The following CELF2 variants were observed in gnomAD, a reference collection of about 807,000 sequenced individuals.
The protein encoded by CELF2 is CUGBP Elav-like family member 2.
CELF2 carries 8 observed loss-of-function variants against 62.6 expected under a neutral mutation model. That is an observed-to-expected ratio of 0.13 (90% CI 0.07 to 0.23). The LOEUF (loss-of-function observed/expected upper bound fraction) is 0.23, where lower values mean the gene tolerates loss of function less well. Among genes scored for constraint, CELF2 ranks in the 10% least tolerant of loss-of-function variants. The pLI is 1.00. For synonymous variants in CELF2, 258 were observed against 250.0 expected, an observed-to-expected ratio of 1.03 and a Z score of -0.30; for missense variants, 333 against 671.0, an observed-to-expected ratio of 0.50 and a Z score of 5.56.
At chr10:10,713,979 G>A in the CELF2 span, among the ~76,000 whole-genome samples, 1 of 152,152 alleles carries the variant, frequency 6.6e-6, no homozygotes, top group African/African-American at 2.4e-5. Flanking sequence ...AGATTCCAGT[G>A]AGTGGAGATT....
upstream of CELF2, among the ~76,000 whole-genome samples, chr10:11,013,603 C>T (rs1016073574): frequency 7.9e-5 from 12 of 152,080 alleles, no homozygotes; most frequent in African/African-American, 2.9e-4. The surrounding 1 kb of genome is among the most constrained non-coding windows in gnomAD (Gnocchi z 4.1). Flanking sequence ...AAATAGAAAC[C>T]AGTGGAAGCT....
At chr10:11,069,995 A>G (rs1418760720) in intron 1 of CELF2, among the ~76,000 whole-genome samples, 2 of 152,250 alleles carry the variant, frequency 1.3e-5, no homozygotes, top group Non-Finnish European at 2.9e-5. Flanking sequence ...TGTTTTGAGT[A>G]TCTGAAGCTT....
intron 2 of CELF2, among the ~76,000 whole-genome samples, chr10:10,939,277 G>GTGGTGTTGTTGTTGT (rs138349252): frequency 2.8e-5 from 4 of 144,220 alleles, no homozygotes; most frequent in African/African-American, 1.1e-4. Context: ...TTGTTTTGTG[G>GTGGTGTTGTTGTTGT]TGTTGTTGTT....
At chr10:10,803,005 C>A (rs1424803112) in intron 1 of CELF2, among the ~76,000 whole-genome samples, 1 of 152,246 alleles carries the variant, frequency 6.6e-6, no homozygotes, top group East Asian at 1.9e-4. Context: ...GGCAGTCTCC[C>A]TAATCCCCCA....
intron 2 of CELF2, among the ~76,000 whole-genome samples, chr10:10,973,218 T>C (rs1360646421): frequency 6.6e-6 from 1 of 151,142 alleles, no homozygotes; most frequent in Non-Finnish European, 1.5e-5. Flanking sequence ...GAGGCAGAGG[T>C]TGCAGTGAGC....
intron 1 of CELF2, among the ~76,000 whole-genome samples, chr10:10,824,321 C>T (rs567118672): frequency 2.0e-5 from 3 of 152,192 alleles, no homozygotes; most frequent in East Asian, 3.9e-4. Context: ...ATTTATTTGG[C>T]CAACAAAAAC....
At chr10:11,187,554 C>G (rs1228259423) in intron 2 of CELF2, among the ~76,000 whole-genome samples, 4 of 138,286 alleles carry the variant, frequency 2.9e-5, no homozygotes, top group Admixed American at 2.3e-4. Context: ...TGGTTTAGGT[C>G]TCTAATCTCA....
rs1284026480 is a variant in CELF2, at chr10:11,156,479, C to T, written c.75-9007C>T. On this transcript the variant is annotated intron_variant, in intron 1 of 12. Transcript: ENST00000633077. This position sits in a 1 kb window ranked among gnomAD's most constrained non-coding sequence, Gnocchi z 4.3. ...ATTTAATACCCTGCAACGCCCTCCC[C>T]TGCATGCTTTATTTGTCTCTGTCAA... Among the ~76,000 whole-genome samples, 1 of 152,178 alleles carries T rather than the reference C, an allele frequency of 6.6e-6. No individual in the cohort carries two copies. Among genetic ancestry groups the T allele is most frequent in the African/African-American group, 2.4e-5 (1 of 41,446 alleles).
the CELF2 span, among the ~76,000 whole-genome samples, chr10:10,519,220 G>T: frequency 6.6e-6 from 1 of 152,160 alleles, no homozygotes; most frequent in Non-Finnish European, 1.5e-5. Context: ...ATGAAGCAGA[G>T]TCGAGGCTGA....
chr10:11,144,717 A>AC (rs1253405233), intron 1 of CELF2, among the ~76,000 whole-genome samples: 1 of 151,606 alleles, frequency 6.6e-6, no homozygotes, highest in Non-Finnish European at 1.5e-5. Context: ...ACATGAGGAG[A>AC]CCCCATCTGT....
the CELF2 span, among the ~76,000 whole-genome samples, chr10:10,613,285 C>T: frequency 1.3e-5 from 2 of 152,002 alleles, no homozygotes; most frequent in Non-Finnish European, 2.9e-5. Flanking sequence ...CAACATTATG[C>T]CCAGAAAATA....
chr10:10,707,117 A>G, the CELF2 span, among the ~76,000 whole-genome samples: 2 of 152,184 alleles, frequency 1.3e-5, no homozygotes, highest in Non-Finnish European at 2.9e-5. Flanking sequence ...CCTTCAATGT[A>G]TCAATCTGGC....
the CELF2 span, among the ~76,000 whole-genome samples, chr10:10,715,536 A>G: frequency 6.6e-6 from 1 of 152,196 alleles, no homozygotes; most frequent in Non-Finnish European, 1.5e-5. Context: ...TTAAATTATG[A>G]TTCCTTTTAT....
the CELF2 span, among the ~76,000 whole-genome samples, chr10:10,691,671 G>T: frequency 4.6e-4 from 69 of 148,856 alleles, no homozygotes; most frequent in Non-Finnish European, 9.4e-4. Flanking sequence ...AGCACCTGTT[G>T]TTTCCTGACT....
chr10:10,814,951 G>A (rs2056309215), intron 1 of CELF2, among the ~76,000 whole-genome samples: 1 of 152,130 alleles, frequency 6.6e-6, no homozygotes, highest in Non-Finnish European at 1.5e-5. Flanking sequence ...GGTTAGGATA[G>A]CTCTCTCCCC....
At position 10,858,786 on chromosome 10, in the gene CELF2, C is replaced by A. The variant is rs564286973; in HGVS notation, c.53+59969C>A. 7.9e-4 allele frequency among the ~76,000 whole-genome samples: 119 copies of A among 151,564 alleles called. 5 individuals are homozygous for A. The East Asian group carries it at 0.021, about 26-fold the overall frequency. ...AAAAAAAAAATCTAGGGAAAATGAA[C>A]ATTTTCAATAAAACATTTAAATAAC... On this transcript the variant is annotated intron_variant, in intron 1 of 13. Transcript: ENST00000636488.
the CELF2 span, among the ~76,000 whole-genome samples, chr10:10,560,885 A>T: frequency 6.6e-6 from 1 of 152,212 alleles, no homozygotes; most frequent in Non-Finnish European, 1.5e-5. Flanking sequence ...ATGAGATTGG[A>T]TACTATTATT....
rs2096053810 is a variant in CELF2 at position 11,332,794 on chromosome 10, C to T, written c.*3741C>T. The T allele has an allele frequency of 1.3e-5, 2 of 152,694 alleles. No homozygotes were observed. Among genetic ancestry groups the T allele is most frequent in the African/African-American group, 2.4e-5 (1 of 41,450 alleles). The allele number at this position is 152,694 out of a possible 1,614,324, so 9.5% of individuals were successfully genotyped here. A position where few individuals can be genotyped will look rare whatever the true frequency, so the allele number is the denominator to read the frequency against. On this transcript the variant is annotated 3_prime_UTR_variant, in exon 13 of 13. Transcript: ENST00000633077. ...TTTCCTTCTTATAGCACATGCACTT[C>T]CTTACAATGACATGATTTGTATTAT...
chr10:10,828,985 G>A (rs1482450199), intron 1 of CELF2, among the ~76,000 whole-genome samples: 6 of 152,158 alleles, frequency 3.9e-5, no homozygotes, highest in African/African-American at 1.4e-4. Context: ...ATGAAAAACA[G>A]CATATATGTC....
Sources: allele counts gnomAD v4.1 joint callset (sites outside exome capture counted in the v4.1 genomes callset), GRCh38; gene constraint gnomAD v4.1.1; non-coding constraint Gnocchi (gnomAD v3.1); transcripts MANE v1.5; gene names NCBI Gene and HGNC (gene_info 2026-07-23, HGNC 2026-07-21).